RALGAPB: variants seen among roughly 807,000 people sequenced by gnomAD.
RALGAPB encodes the protein ral GTPase-activating protein subunit beta.
RALGAPB carries 25 observed loss-of-function variants against 161.1 expected under a neutral mutation model. The observed-to-expected ratio is 0.16, with a 90% CI of 0.11 to 0.22. RALGAPB has a LOEUF of 0.22. Among genes scored for constraint, RALGAPB ranks in the 10% least tolerant of loss-of-function variants. The probability of loss-of-function intolerance (pLI) is 1.00; values close to 1 mark genes in which losing one functional copy is unlikely to be tolerated. For synonymous variants in RALGAPB, 629 were observed against 626.1 expected (o/e 1.00, Z -0.07); for missense variants, 1,391 against 1,815.2 (o/e 0.77, Z 4.25).
chr20:38,522,321 C>T (rs990575491), intron 10 of RALGAPB, among the ~76,000 whole-genome samples: 27 of 152,198 alleles, frequency 1.8e-4, no homozygotes, highest in African/African-American at 6.5e-4. Context: ...TTTGTTAATG[C>T]CTCTGCCATC....
chr20:38,565,990 CT>C (rs1259643503), intron 25 of RALGAPB, among the ~76,000 whole-genome samples: 5 of 152,328 alleles, frequency 3.3e-5, no homozygotes, highest in South Asian at 2.1e-4. Flanking sequence ...TTAGTCTGAA[CT>C]CACAGTTTTA....
chr20:38,537,516 C>A (rs1355283928), intron 16 of RALGAPB, among the ~76,000 whole-genome samples: 1 of 152,082 alleles, frequency 6.6e-6, no homozygotes, highest in Non-Finnish European at 1.5e-5. Context: ...AAGAGAAAAT[C>A]TTTGTGACCT....
intron 13 of RALGAPB, among the ~76,000 whole-genome samples, chr20:38,528,711 C>T (rs144340168): frequency 0.026 from 3,892 of 151,606 alleles, 164 homozygotes; most frequent in African/African-American, 0.089. Flanking sequence ...GATGGAGTCT[C>T]GCTGTGTCAC....
intron 29 of RALGAPB, among the ~76,000 whole-genome samples, 191 bp from the exon 30 acceptor site, chr20:38,574,583 T>G (rs942359306): frequency 2.0e-5 from 3 of 152,216 alleles, no homozygotes; most frequent in African/African-American, 7.2e-5. Flanking sequence ...TTGATTCTCC[T>G]TTTCCTTGTC....
chr20:38,496,682 C>A (rs1186855909), intron 3 of RALGAPB, among the ~76,000 whole-genome samples: 1 of 152,104 alleles, frequency 6.6e-6, no homozygotes, highest in Non-Finnish European at 1.5e-5. Context: ...AAAAAATGGT[C>A]CTGCGGTGAG....
At chr20:38,474,994 A>G (rs2084761980) in intron 1 of RALGAPB, among the ~76,000 whole-genome samples, 1 of 152,158 alleles carries the variant, frequency 6.6e-6, no homozygotes, top group Admixed American at 6.5e-5. Flanking sequence ...ATGTTCAGCA[A>G]TTTGTCCAGC....
At chr20:38,480,150 A>G (rs1390062870) in intron 1 of RALGAPB, among the ~76,000 whole-genome samples, 1 of 150,494 alleles carries the variant, frequency 6.6e-6, no homozygotes, top group African/African-American at 2.4e-5. Context: ...CCCGGCTAAG[A>G]TAAGGTTAAA....
At chr20:38,570,023 AT>A in intron 27 of RALGAPB, 27 bp downstream of exon 27, 6 of 1,557,802 alleles carry the variant, frequency 3.9e-6, no homozygotes, top group Non-Finnish European at 5.3e-6. Flanking sequence ...TTGTCCATAA[AT>A]AAAATGGCAA....
In RALGAPB at chr20:38,483,631, C is replaced by A. The variant is rs1186733883; in HGVS notation, c.-30-4772C>A. On this transcript the variant is annotated intron_variant, in intron 1 of 29. Transcript: ENST00000262879. ...AATGTTTAGGAAATGACATATCAGCCTGAGGTGCCTTACAAGTGTGCCAAC... is the reference window on the plus strand; with the variant it reads ...AATGTTTAGGAAATGACATATCAGCATGAGGTGCCTTACAAGTGTGCCAAC... Among the ~76,000 whole-genome samples the A allele has an allele frequency of 2.6e-5, 4 of 152,152 alleles. No homozygotes were observed. The East Asian group carries it at 7.7e-4, about 29-fold the overall frequency.
intron 1 of RALGAPB, among the ~76,000 whole-genome samples, chr20:38,482,613 A>G: frequency 6.6e-6 from 1 of 151,514 alleles, no homozygotes; most frequent in East Asian, 1.9e-4. Context: ...TTTTTTAGTA[A>G]AGACAGGGTT....
intron 6 of RALGAPB, 148 bp from the exon 7 acceptor site, chr20:38,516,044 A>G: frequency 1.7e-6 from 1 of 585,022 alleles, no homozygotes; most frequent in Admixed American, 3.7e-5. Flanking sequence ...AAGTGTTGAG[A>G]TTTGAATCGC....
At chr20:38,543,285 T>C (rs2087035002) in intron 18 of RALGAPB, among the ~76,000 whole-genome samples, 1 of 152,238 alleles carries the variant, frequency 6.6e-6, no homozygotes, top group Non-Finnish European at 1.5e-5. Context: ...CACAGAACTT[T>C]GGCTGTTTCT....
At chr20:38,487,850 T>A (rs1207722724) in intron 1 of RALGAPB, among the ~76,000 whole-genome samples, 1 of 152,172 alleles carries the variant, frequency 6.6e-6, no homozygotes, top group Non-Finnish European at 1.5e-5. Flanking sequence ...GTGGATCACC[T>A]GAGGTCGGGA....
At chr20:38,480,384 T>G (rs1245127082) in intron 1 of RALGAPB, among the ~76,000 whole-genome samples, 2 of 87,568 alleles carry the variant, frequency 2.3e-5, no homozygotes, top group Non-Finnish European at 5.8e-5. Flanking sequence ...TTTCTTTCTT[T>G]CTTTTTTTTT....
intron 16 of RALGAPB, 127 bp from the exon 17 acceptor site, chr20:38,539,649 T>C: frequency 1.3e-6 from 1 of 762,514 alleles, no homozygotes; most frequent in Non-Finnish European, 2.0e-6. Context: ...ATATAAATAA[T>C]ATAAAAAAGC....
At chr20:38,564,297 A>G (rs1325566450) in intron 24 of RALGAPB, among the ~76,000 whole-genome samples, 1 of 152,186 alleles carries the variant, frequency 6.6e-6, no homozygotes. Flanking sequence ...GACAGCTTTC[A>G]TGCTACAATG....
chr20:38,507,650 A>G (rs1352445897), intron 5 of RALGAPB, among the ~76,000 whole-genome samples: 1 of 151,784 alleles, frequency 6.6e-6, no homozygotes, highest in Non-Finnish European at 1.5e-5. Context: ...GAGTGCTGGG[A>G]TTGGAGTGCA....
intron 10 of RALGAPB, among the ~76,000 whole-genome samples, chr20:38,523,894 G>T (rs1467662740): frequency 6.6e-6 from 1 of 152,182 alleles, no homozygotes; most frequent in Non-Finnish European, 1.5e-5. Context: ...CTTTCAAAAG[G>T]CAGAATGAGT....
intron 16 of RALGAPB, among the ~76,000 whole-genome samples, 159 bp downstream of exon 16, chr20:38,535,366 T>C (rs866712726): frequency 3.9e-5 from 6 of 152,246 alleles, no homozygotes; most frequent in African/African-American, 9.6e-5. Context: ...CCAAGTGATA[T>C]TCTATGCAAT....
Sources: allele counts gnomAD v4.1 joint callset (sites outside exome capture counted in the v4.1 genomes callset), GRCh38; gene constraint gnomAD v4.1.1; transcripts MANE v1.5; gene names NCBI Gene and HGNC (gene_info 2026-07-23, HGNC 2026-07-21).